The following TBC1D5 variants were observed in gnomAD, a reference collection of about 807,000 sequenced individuals.
TBC1D5 encodes TBC1 domain family, member 5.
In TBC1D5, 75 loss-of-function variants were observed where a neutral mutation model predicts 100.3. The ratio of observed to expected loss-of-function variants is 0.75; its 90% CI spans 0.62 to 0.91. The LOEUF is 0.91. Among genes scored for constraint, TBC1D5 ranks in the 40% least tolerant of loss-of-function variants. The pLI, the probability that TBC1D5 is intolerant of heterozygous loss-of-function variation, is 0.00. For missense variants in TBC1D5, 910 were observed against 942.4 expected, an observed-to-expected ratio of 0.97 and a Z score of 0.45; for synonymous variants, 323 against 325.6, an observed-to-expected ratio of 0.99 and a Z score of 0.09.
intron 15 of TBC1D5, among the ~76,000 whole-genome samples, chr3:17,279,980 TCTC>T (rs1462157129): frequency 6.6e-6 from 1 of 152,144 alleles, no homozygotes; most frequent in Non-Finnish European, 1.5e-5. Flanking sequence ...AACATCGACT[TCTC>T]CTCCGGAAGA....
intron 3 of TBC1D5, among the ~76,000 whole-genome samples, chr3:17,473,478 T>G (rs1164605832): frequency 6.6e-6 from 1 of 152,214 alleles, no homozygotes; most frequent in Non-Finnish European, 1.5e-5. Flanking sequence ...CTTTATGTAT[T>G]TTAACTGTAT....
At chr3:17,386,200 T>C (rs2093147150) in intron 8 of TBC1D5, among the ~76,000 whole-genome samples, 1 of 152,072 alleles carries the variant, frequency 6.6e-6, no homozygotes, top group Non-Finnish European at 1.5e-5. Context: ...TGTCTTCAAG[T>C]AGGCTTCATT....
intron 14 of TBC1D5, among the ~76,000 whole-genome samples, chr3:17,301,263 C>T (rs886327291): frequency 6.6e-6 from 1 of 151,850 alleles, no homozygotes; most frequent in Non-Finnish European, 1.5e-5. Context: ...TTTTTTGATA[C>T]TAGTCAAAAA....
At chr3:17,441,093 T>C (rs897671109) in intron 3 of TBC1D5, among the ~76,000 whole-genome samples, 1 of 152,200 alleles carries the variant, frequency 6.6e-6, no homozygotes, top group Non-Finnish European at 1.5e-5. Context: ...TTATCAACAT[T>C]GATGATACCA....
intron 2 of TBC1D5, among the ~76,000 whole-genome samples, chr3:17,559,532 A>G (rs2096543905): frequency 6.6e-6 from 1 of 152,086 alleles, no homozygotes; most frequent in African/African-American, 2.4e-5. Flanking sequence ...GGAGATAAAG[A>G]TCATGTTCAT....
chr3:17,369,876 T>C (rs1196086070), intron 13 of TBC1D5, among the ~76,000 whole-genome samples: 1 of 152,130 alleles, frequency 6.6e-6, no homozygotes, highest in African/African-American at 2.4e-5. Flanking sequence ...TAATCTATTC[T>C]TCAAAGATTA....
At chr3:17,535,677 A>G (rs1052691869) in intron 2 of TBC1D5, among the ~76,000 whole-genome samples, 5 of 152,148 alleles carry the variant, frequency 3.3e-5, no homozygotes, top group Non-Finnish European at 7.4e-5. Context: ...AGTAGTTTTA[A>G]GTTAACAGAG....
At chr3:17,366,833 A>G (rs1474425910) in intron 13 of TBC1D5, among the ~76,000 whole-genome samples, 1 of 152,296 alleles carries the variant, frequency 6.6e-6, no homozygotes, top group East Asian at 1.9e-4. Context: ...TTTTAAAATT[A>G]TATCAATAAT....
chr3:17,693,949 A>T (rs930991769), intron 1 of TBC1D5, among the ~76,000 whole-genome samples: 2 of 152,202 alleles, frequency 1.3e-5, no homozygotes, highest in Non-Finnish European at 2.9e-5. Flanking sequence ...ACCCAGGCAA[A>T]CAGAGTCTGG....
At position 17,395,793 on chromosome 3, in the gene TBC1D5, T is replaced by C. The variant is rs2152369080; in HGVS notation, c.509+7388A>G. ...CACTGCAACTATATTTTCATTAAAA[T>C]ACTGAAAAAAATTTAAGTTTTTAAA... is the stretch of plus-strand genomic sequence containing the variant. On this transcript the variant is annotated intron_variant, in intron 8 of 21. Transcript: ENST00000253692. Among the ~76,000 whole-genome samples the C allele has an allele frequency of 1.3e-5, 2 of 152,222 alleles. 1 individual carries two copies. The highest frequency in any genetic ancestry group is 4.1e-4 in the South Asian group (2 of 4,828).
chr3:17,346,973 T>G (rs2089973736), intron 13 of TBC1D5, among the ~76,000 whole-genome samples: 1 of 152,228 alleles, frequency 6.6e-6, no homozygotes, highest in Non-Finnish European at 1.5e-5. Context: ...TCTATTGTGT[T>G]CTACAGAATG....
intron 8 of TBC1D5, among the ~76,000 whole-genome samples, chr3:17,394,746 A>G (rs2093450920): frequency 6.6e-6 from 1 of 152,134 alleles, no homozygotes; most frequent in African/African-American, 2.4e-5. Flanking sequence ...ATGGACAAAT[A>G]TACCTACAAA....
chr3:17,623,579 C>G (rs2062844401), intron 2 of TBC1D5: 1 of 152,306 alleles, frequency 6.6e-6, no homozygotes, highest in East Asian at 1.9e-4. Flanking sequence ...TTCTACCTGT[C>G]TTTCCAAATG....
chr3:17,523,634 C>T (rs2096089557), intron 2 of TBC1D5, among the ~76,000 whole-genome samples: 1 of 152,084 alleles, frequency 6.6e-6, no homozygotes, highest in Non-Finnish European at 1.5e-5. Flanking sequence ...GAGAAAGCTG[C>T]ACTGAGAAAA....
chr3:17,377,445 A>G (rs1432002315), intron 9 of TBC1D5, among the ~76,000 whole-genome samples: 2 of 152,088 alleles, frequency 1.3e-5, no homozygotes, highest in Non-Finnish European at 2.9e-5. Context: ...CCCCTTAAGC[A>G]TCGAAAAACA....
At chr3:17,693,040 C>T (rs2071405007) in intron 1 of TBC1D5, among the ~76,000 whole-genome samples, 1 of 152,294 alleles carries the variant, frequency 6.6e-6, no homozygotes, top group South Asian at 2.1e-4. Flanking sequence ...AGTGTAAAGT[C>T]CTCACCAGCA....
chr3:17,735,308 A>G (rs2076876285), intron 1 of TBC1D5, among the ~76,000 whole-genome samples: 1 of 152,220 alleles, frequency 6.6e-6, no homozygotes, highest in Non-Finnish European at 1.5e-5. Flanking sequence ...ATGAAATAGT[A>G]TGGGGCCACT....
chr3:17,434,410 T>C (rs2094498677), intron 3 of TBC1D5, among the ~76,000 whole-genome samples: 2 of 152,236 alleles, frequency 1.3e-5, no homozygotes. Flanking sequence ...ATGTGAAAGC[T>C]GCCAAGGCTT....
intron 4 of TBC1D5, among the ~76,000 whole-genome samples, chr3:17,415,532 AG>A (rs1338566933): frequency 1.3e-5 from 2 of 152,206 alleles, no homozygotes; most frequent in Non-Finnish European, 2.9e-5. Context: ...TTCCAAATCC[AG>A]GGTCATATTA....
Sources: gnomAD v4.1 joint callset for allele counts (sites outside exome capture counted in the v4.1 genomes callset) on GRCh38, gnomAD v4.1.1 for gene constraint, MANE v1.5 for transcripts, NCBI Gene and HGNC (gene_info 2026-07-23, HGNC 2026-07-21) for gene names.